PSEN2: variants seen among roughly 807,000 people sequenced by gnomAD.
PSEN2 encodes presenilin-2.
A neutral mutation model predicts 49.1 loss-of-function variants in PSEN2; 32 were observed. The ratio of observed to expected loss-of-function variants is 0.65; its 90% confidence interval spans 0.49 to 0.88. The LOEUF is 0.88. PSEN2 is among the 40% of genes least tolerant of loss of function. The pLI, the probability that PSEN2 is intolerant of heterozygous loss-of-function variation, is 0.00. For synonymous variants in PSEN2, 255 were observed against 244.0 expected (o/e 1.05, Z -0.42); for missense variants, 522 against 586.9 (o/e 0.89, Z 1.14).
rs185380274 is a variant in PSEN2, at chr1:226,894,547, T to C, written c.1191+422T>C. 3.9e-5 allele frequency among the ~76,000 whole-genome samples: 6 copies of C among 152,286 alleles called. No individual in the cohort carries two copies. The East Asian group carries it at 5.8e-4, about 15-fold the overall frequency. On this transcript the variant is annotated intron_variant, in intron 12 of 12. Transcript: ENST00000366783. ...CATGTTTTCCCCCTCCTCCATGCCA[T>C]TGGGACACCACAGGGTCTGAATCTG...
chr1:226,887,591 C>T (rs1661443946), intron 6 of PSEN2, among the ~76,000 whole-genome samples: 1 of 152,130 alleles, frequency 6.6e-6, no homozygotes, highest in South Asian at 2.1e-4. Flanking sequence ...TCTGTTGAGG[C>T]CACTCTATCT....
At chr1:226,900,467 G>A (rs905269970), downstream of PSEN2, among the ~76,000 whole-genome samples, 2 of 152,178 alleles carry the variant, frequency 1.3e-5, no homozygotes, top group Non-Finnish European at 2.9e-5. Flanking sequence ...TTTGTGATTC[G>A]GTGATGTGTT....
rs199937781 is a variant in PSEN2, at chr1:226,891,902, G to A, written c.1072+58G>A. On this transcript the variant is annotated intron_variant, in intron 11 of 12. Transcript: ENST00000366783. ...GCCTACGGCGGGAGCGGAGACAGAG[G>A]GTGGAGGCTCCCTGCAGCCTGGGTG... 61 of 1,498,270 alleles carry A rather than the reference G, an allele frequency of 4.1e-5. No homozygotes were observed. In the East Asian group the frequency reaches 1.3e-3, roughly 32 times the overall value. 92.8% of individuals were successfully genotyped at this position (1,498,270 alleles called of 1,614,324 possible).
intron 3 of PSEN2, among the ~76,000 whole-genome samples, 180 bp downstream of exon 3, chr1:226,875,730 C>A (rs1016607083): frequency 2.0e-5 from 3 of 152,094 alleles, no homozygotes; most frequent in Non-Finnish European, 4.4e-5. Flanking sequence ...AAAAGAAGGT[C>A]GAGGAAATTG....
In PSEN2 at chr1:226,888,838, C is replaced by T; in HGVS notation, c.576C>T (p.Leu192=). 6.2e-7 allele frequency: 1 copy of T among 1,614,180 alleles called. No homozygotes were observed. The highest frequency in any genetic ancestry group is 2.2e-5 in the East Asian group (1 of 44,882). ...LFTYIYLGEV[L]KTYNVAMDYP... ...CACCTTGGTCCTGCAGGGAAGTGCT[C>T]AAGACCTACAATGTGGCCATGGACT... The change falls in exon 8 of 13, where the codon CTC becomes CTT. Residue 192 remains leucine, a synonymous_variant. Coordinates refer to ENST00000366783, the MANE Select transcript of PSEN2 (RefSeq NM_000447.3).
intron 2 of PSEN2, among the ~76,000 whole-genome samples, chr1:226,873,358 A>G (rs2102648450): frequency 6.6e-6 from 1 of 152,288 alleles, no homozygotes; most frequent in South Asian, 2.1e-4. Flanking sequence ...CCTTAACCAG[A>G]AACTTACTGG....
chr1:226,890,921 A>G (rs1376020726), intron 9 of PSEN2: 2 of 301,368 alleles, frequency 6.6e-6, no homozygotes, highest in South Asian at 4.1e-5. Context: ...GGGAAAGCAC[A>G]TTCCAGGCGC....
At chr1:226,880,040 AT>A (rs1308395862) in intron 3 of PSEN2, among the ~76,000 whole-genome samples, 1 of 152,184 alleles carries the variant, frequency 6.6e-6, no homozygotes, top group African/African-American at 2.4e-5. Flanking sequence ...GGGGATTGAA[AT>A]TGGCTGACTT....
chr1:226,891,231 GC>G (rs772275109), intron 9 of PSEN2, 46 bp from the exon 10 acceptor site: 1 of 1,570,212 alleles, frequency 6.4e-7, no homozygotes, highest in Non-Finnish European at 8.7e-7. Context: ...CCTGCAGGCA[GC>G]CACTGTTAGC....
chr1:226,891,425 C>A, intron 10 of PSEN2, 64 bp downstream of exon 10: 1 of 1,425,030 alleles, frequency 7.0e-7, no homozygotes, highest in Non-Finnish European at 9.7e-7. Flanking sequence ...CTGCACCCAG[C>A]TCTGCTCGGC....
chr1:226,878,178 CA>C (rs1364665304), intron 3 of PSEN2, among the ~76,000 whole-genome samples: 2 of 151,974 alleles, frequency 1.3e-5, no homozygotes, highest in African/African-American at 2.4e-5. Context: ...CTCCTGGGTT[CA>C]AGTGATTATC....
At chr1:226,900,310 C>A (rs1236216930), downstream of PSEN2, among the ~76,000 whole-genome samples, 5 of 152,134 alleles carry the variant, frequency 3.3e-5, no homozygotes, top group Non-Finnish European at 7.4e-5. Context: ...CTACAGAATG[C>A]CTGCGAGTGG....
At chr1:226,893,362 C>A (rs575830396) in intron 11 of PSEN2, among the ~76,000 whole-genome samples, 28 of 152,324 alleles carry the variant, frequency 1.8e-4, no homozygotes, top group African/African-American at 6.3e-4. Context: ...GGGACACCTG[C>A]AGGGCTGGAA....
At chr1:226,901,434 CAAAAAAAAAA>C (rs71179182), downstream of PSEN2, among the ~76,000 whole-genome samples, 1 of 117,756 alleles carries the variant, frequency 8.5e-6, no homozygotes, top group African/African-American at 3.6e-5. Context: ...GAAACTGTCT[CAAAAAAAAAA>C]AAAAAAAAAG....
In PSEN2 at chr1:226,883,875, C is replaced by T; in HGVS notation, c.312C>T (p.Ala104=). ...PVTLCMIVVV[A]TIKSVRFYTE... The stretch of plus-strand genomic sequence containing the variant: ...CTCTGTGCATGATCGTGGTGGTAGC[C>T]ACCATCAAGTCTGTGCGCTTCTACA... Residue 104 remains alanine, a synonymous_variant, in exon 5 of 13, where the codon GCC becomes GCT. Transcript: ENST00000366783. 2.5e-6 allele frequency: 4 copies of T among 1,612,310 alleles called. No homozygotes were observed. The South Asian group carries it at 3.3e-5, about 13-fold the overall frequency.
intron 6 of PSEN2, among the ~76,000 whole-genome samples, chr1:226,887,737 G>A (rs947205675): frequency 5.9e-5 from 9 of 152,166 alleles, no homozygotes; most frequent in African/African-American, 1.9e-4. Flanking sequence ...CACAATGCCC[G>A]TGGGCAGAGA....
chr1:226,896,557 A>G (rs541006636), downstream of PSEN2, among the ~76,000 whole-genome samples: 1 of 152,224 alleles, frequency 6.6e-6, no homozygotes, highest in East Asian at 1.9e-4. Flanking sequence ...ATGGGTTGCA[A>G]AGAGAATCTC....
intron 4 of PSEN2, among the ~76,000 whole-genome samples, chr1:226,882,662 T>C (rs1000756335): frequency 1.3e-5 from 2 of 152,200 alleles, no homozygotes; most frequent in African/African-American, 4.8e-5. Flanking sequence ...AAAATGTCTC[T>C]GTGTGGACTG....
chr1:226,901,927 C>G (rs1662332100), intron 12 of PSEN2, among the ~76,000 whole-genome samples: 1 of 152,138 alleles, frequency 6.6e-6, no homozygotes, highest in Admixed American at 6.6e-5. Flanking sequence ...GATGTAGGGA[C>G]TTGGGTCATT....
Sources: allele counts gnomAD v4.1 joint callset (sites outside exome capture counted in the v4.1 genomes callset), GRCh38; gene constraint gnomAD v4.1.1; transcripts MANE v1.5; gene names NCBI Gene and HGNC (gene_info 2026-07-23, HGNC 2026-07-21).